The following POU6F2 variants were observed in gnomAD, a reference collection of about 807,000 sequenced individuals.
POU6F2 encodes POU domain, class 6, transcription factor 2.
Under a neutral mutation model 71.3 loss-of-function variants are expected in POU6F2, and 31 were observed. The ratio of observed to expected loss-of-function variants is 0.43; its 90% CI spans 0.33 to 0.59. The LOEUF (loss-of-function observed/expected upper bound fraction) is 0.59. Among genes scored for constraint, POU6F2 ranks in the 20% least tolerant of loss-of-function variants. The pLI is 0.04. For missense variants in POU6F2, 783 were observed against 856.8 expected (o/e 0.91, Z 1.07); for synonymous variants, 347 against 355.7 (o/e 0.98, Z 0.27).
intron 2 of POU6F2, among the ~76,000 whole-genome samples, chr7:39,151,463 C>T (rs542123187): frequency 6.6e-6 from 1 of 152,252 alleles, no homozygotes; most frequent in African/African-American, 2.4e-5. Context: ...GTCGCTGGGA[C>T]CACAAGTTCA....
chr7:39,091,242 C>T (rs938685082), intron 2 of POU6F2, among the ~76,000 whole-genome samples: 1 of 152,170 alleles, frequency 6.6e-6, no homozygotes, highest in Non-Finnish European at 1.5e-5. Flanking sequence ...AAGTGCACTT[C>T]AATGGGGGAC....
chr7:39,025,894 A>C (rs1789789257), intron 1 of POU6F2, among the ~76,000 whole-genome samples: 1 of 151,980 alleles, frequency 6.6e-6, no homozygotes, highest in Admixed American at 6.6e-5. Context: ...AACTCAAACA[A>C]ATTTACAAGA....
intron 5 of POU6F2, chr7:39,406,001 G>C (rs1164465794): frequency 6.6e-6 from 1 of 152,208 alleles, no homozygotes; most frequent in Non-Finnish European, 1.5e-5. Context: ...CAAAATTGTC[G>C]CAGCCCTAGA....
Position 39,384,859 on chromosome 7 carries a change from A to G in POU6F2, c.973-21741A>G, listed in dbSNP as rs546630147. 6.6e-5 allele frequency among the ~76,000 whole-genome samples: 10 copies of G among 152,366 alleles called. No homozygotes were observed. In the South Asian group the frequency reaches 2.1e-3, roughly 32 times the overall value. ...ATACACACAGAATGGAAGCAAAATTATTGAGTTAAGTTGATTCAGAACACA... is the reference window on the plus strand; with the variant it reads ...ATACACACAGAATGGAAGCAAAATTGTTGAGTTAAGTTGATTCAGAACACA... On this transcript the variant is annotated intron_variant, in intron 5 of 9. Coordinates refer to ENST00000518318, the MANE Select transcript of POU6F2 (RefSeq NM_001370959.1).
At chr7:39,126,505 T>G (rs953534286) in intron 2 of POU6F2, among the ~76,000 whole-genome samples, 2 of 152,220 alleles carry the variant, frequency 1.3e-5, no homozygotes, top group Non-Finnish European at 2.9e-5. Flanking sequence ...TAAGTACGTG[T>G]TGTGAGTTTC....
At chr7:39,278,164 C>G (rs1214113442) in intron 4 of POU6F2, among the ~76,000 whole-genome samples, 1 of 151,306 alleles carries the variant, frequency 6.6e-6, no homozygotes, top group African/African-American at 2.4e-5. Flanking sequence ...AGAAGCAGCT[C>G]CTCTAGACCC....
intron 1 of POU6F2, among the ~76,000 whole-genome samples, chr7:38,979,567 C>T (rs1281850082): frequency 1.3e-5 from 2 of 152,112 alleles, no homozygotes; most frequent in Non-Finnish European, 2.9e-5. Flanking sequence ...AATATATAAA[C>T]TGATTTTATA....
chr7:39,168,130 ATTTTT>A (rs971202556), intron 2 of POU6F2, among the ~76,000 whole-genome samples: 1 of 152,080 alleles, frequency 6.6e-6, no homozygotes, highest in Non-Finnish European at 1.5e-5. Flanking sequence ...CTTATAAGAG[ATTTTT>A]TTTGTCTTGG....
chr7:39,249,417 A>G (rs1439490960), intron 4 of POU6F2, among the ~76,000 whole-genome samples: 1 of 152,194 alleles, frequency 6.6e-6, no homozygotes, highest in East Asian at 1.9e-4. Context: ...CATCTCTCTT[A>G]AAACGTACAG....
At chr7:39,280,835 C>G (rs549022002) in intron 4 of POU6F2, among the ~76,000 whole-genome samples, 1 of 152,296 alleles carries the variant, frequency 6.6e-6, no homozygotes, top group East Asian at 1.9e-4. Flanking sequence ...CATCTTCTGC[C>G]TACAAAGTAA....
intron 5 of POU6F2, among the ~76,000 whole-genome samples, chr7:39,369,272 T>A (rs1786561998): frequency 6.6e-6 from 1 of 151,978 alleles, no homozygotes; most frequent in Admixed American, 6.6e-5. Context: ...CCTCTGTCAG[T>A]CAGCAGCCAT....
intron 4 of POU6F2, among the ~76,000 whole-genome samples, chr7:39,254,502 A>G (rs1783981840): frequency 6.6e-6 from 1 of 152,138 alleles, no homozygotes; most frequent in South Asian, 2.1e-4. Flanking sequence ...TAAAGATACT[A>G]CAGAGCAATC....
chr7:39,026,564 C>T (rs1487695046), intron 1 of POU6F2, among the ~76,000 whole-genome samples: 1 of 151,784 alleles, frequency 6.6e-6, no homozygotes, highest in Non-Finnish European at 1.5e-5. Context: ...AACACATGGA[C>T]ACAGGAAGGG....
chr7:39,140,579 C>T (rs1386400387), intron 2 of POU6F2, among the ~76,000 whole-genome samples: 7 of 152,292 alleles, frequency 4.6e-5, no homozygotes, highest in South Asian at 2.1e-4. Flanking sequence ...TTTCCATGAC[C>T]TATTTCCTCA....
intron 5 of POU6F2, chr7:39,404,788 A>C (rs1373777538): frequency 6.7e-6 from 1 of 148,432 alleles, no homozygotes; most frequent in Non-Finnish European, 1.5e-5. Flanking sequence ...TTCTCACTTC[A>C]GAAGTTAAAA....
intron 4 of POU6F2, among the ~76,000 whole-genome samples, chr7:39,257,928 C>A (rs2128753856): frequency 6.6e-6 from 1 of 152,228 alleles, no homozygotes; most frequent in South Asian, 2.1e-4. Flanking sequence ...AACTTTTATG[C>A]AGAGGGAACA....
chr7:39,140,600 G>A (rs1012564740), intron 2 of POU6F2, among the ~76,000 whole-genome samples: 2 of 152,220 alleles, frequency 1.3e-5, no homozygotes, highest in South Asian at 4.1e-4. Context: ...TCCTTTGTGT[G>A]TGGTCAAATC....
chr7:39,105,070 A>G (rs1450066039), intron 2 of POU6F2, among the ~76,000 whole-genome samples: 1 of 152,256 alleles, frequency 6.6e-6, no homozygotes, highest in African/African-American at 2.4e-5. Flanking sequence ...CATATAAAAC[A>G]TGAAGTCTAT....
intron 1 of POU6F2, among the ~76,000 whole-genome samples, chr7:39,049,756 T>G (rs12538569): frequency 0.11 from 16,209 of 152,028 alleles, 1,069 homozygotes; most frequent in African/African-American, 0.18. Flanking sequence ...TTAAAATAAT[T>G]TCTATATCTT....
Sources: gnomAD v4.1 joint callset for allele counts (sites outside exome capture counted in the v4.1 genomes callset) on GRCh38, gnomAD v4.1.1 for gene constraint, MANE v1.5 for transcripts, NCBI Gene and HGNC (gene_info 2026-07-23, HGNC 2026-07-21) for gene names.